The following FRY variants were observed in gnomAD, a reference collection of about 807,000 sequenced individuals.
The protein encoded by FRY is FRY microtubule binding protein, also known as protein furry homolog.
In FRY, 128 loss-of-function variants were observed where a neutral mutation model predicts 348.4. The observed-to-expected ratio is 0.37, with a 90% confidence interval of 0.32 to 0.43. The LOEUF is 0.43. Ranked by LOEUF, FRY falls within the 20% of genes least tolerant of loss-of-function variation. The probability of loss-of-function intolerance (pLI) is 1.00; values close to 1 mark genes in which losing one functional copy is unlikely to be tolerated. For synonymous variants in FRY, 1,370 were observed against 1,374.7 expected (o/e 1.00, Z 0.08); for missense variants, 2,736 against 3,695.2 (o/e 0.74, Z 6.73).
intron 35 of FRY, among the ~76,000 whole-genome samples, chr13:32,215,120 A>G (rs1264372642): frequency 6.6e-6 from 1 of 152,202 alleles, no homozygotes; most frequent in African/African-American, 2.4e-5. Context: ...GACTAAGGAA[A>G]ACTACAACTT....
chr13:32,124,708 T>C (rs1878917342), intron 6 of FRY, 27 bp downstream of exon 6: 2 of 1,524,362 alleles, frequency 1.3e-6, no homozygotes, highest in Non-Finnish European at 9.1e-7. Flanking sequence ...CCTTAGAATG[T>C]TGAAGTTGGT....
At position 32,178,426 on chromosome 13, in the gene FRY, G is replaced by A. The variant is rs1020165738; in HGVS notation, c.2671G>A (p.Val891Met). 2.5e-6 allele frequency: 4 copies of A among 1,613,990 alleles called. No homozygotes were observed. The African/African-American group carries it at 4.0e-5, about 16-fold the overall frequency. The stretch of plus-strand genomic sequence containing the variant: ...TCGGCTCCAGTCGGTGATGCCTCTG[G>A]TGGACCCAAAGTAAGGGATTCTTGT... ...FTRLQSVMPL[V>M]DPNSPINAKK... The change falls in exon 21 of 61, where the codon GTG (valine) becomes ATG (methionine). Residue 891 changes from valine to methionine, a missense_variant. Around this residue, in one of 9 missense-constraint regions of FRY, gnomAD observed 449 missense variants for 576.9 expected, o/e 0.78. Transcript: ENST00000542859.
intron 28 of FRY, among the ~76,000 whole-genome samples, chr13:32,187,953 A>C (rs2138273120): frequency 6.6e-6 from 1 of 152,302 alleles, no homozygotes; most frequent in East Asian, 1.9e-4. Flanking sequence ...CAATTCAATA[A>C]CAAAAAGATA....
intron 11 of FRY, among the ~76,000 whole-genome samples, chr13:32,143,724 T>C (rs1880225104): frequency 6.6e-6 from 1 of 152,208 alleles, no homozygotes; most frequent in Non-Finnish European, 1.5e-5. Flanking sequence ...AAAAGATGTT[T>C]CTACTAGAAG....
intron 58 of FRY, among the ~76,000 whole-genome samples, chr13:32,279,882 T>C (rs148802655): frequency 8.4e-4 from 128 of 152,352 alleles, no homozygotes; most frequent in Middle Eastern, 3.4e-3. Flanking sequence ...CCAGCATTGA[T>C]TGAGTCCCTT....
chr13:32,231,104 G>A (rs1885886234), intron 40 of FRY, 75 bp from the exon 41 acceptor site: 2 of 1,301,950 alleles, frequency 1.5e-6, no homozygotes, highest in Non-Finnish European at 1.1e-6. Flanking sequence ...TATGTTTGGA[G>A]TCAGGACTGT....
At chr13:32,157,111 A>G (rs954794082) in intron 15 of FRY, among the ~76,000 whole-genome samples, 162 bp from the exon 16 acceptor site, 15 of 152,260 alleles carry the variant, frequency 9.9e-5, no homozygotes, top group African/African-American at 3.6e-4. Context: ...GCAAGGCACT[A>G]TGCTAAAAGC....
intron 29 of FRY, among the ~76,000 whole-genome samples, chr13:32,199,422 G>A (rs2520696): frequency 0.5 from 76,179 of 152,098 alleles, 19,079 homozygotes; most frequent in African/African-American, 0.53. Flanking sequence ...AGATCATCAA[G>A]CAGTACAGAC....
chr13:32,238,758 AG>A (rs1886350366), intron 44 of FRY, among the ~76,000 whole-genome samples: 2 of 152,178 alleles, frequency 1.3e-5, no homozygotes, highest in Non-Finnish European at 2.9e-5. Context: ...CCAACAAACC[AG>A]ATTTTTAATG....
chr13:32,208,257 G>T (rs1375825805), intron 31 of FRY, among the ~76,000 whole-genome samples: 1 of 152,200 alleles, frequency 6.6e-6, no homozygotes, highest in African/African-American at 2.4e-5. Flanking sequence ...AATGTTTCAT[G>T]GAAGACACTT....
At chr13:32,078,508 T>G (rs1875257930) in intron 1 of FRY, among the ~76,000 whole-genome samples, 1 of 152,208 alleles carries the variant, frequency 6.6e-6, no homozygotes, top group African/African-American at 2.4e-5. Context: ...TAAATGGGAC[T>G]GCTGTTTCCG....
At chr13:32,232,293 G>T (rs1261526130) in intron 41 of FRY, among the ~76,000 whole-genome samples, 1 of 152,126 alleles carries the variant, frequency 6.6e-6, no homozygotes, top group Admixed American at 6.5e-5. Flanking sequence ...TTCTTGGAGG[G>T]TACTTCAGGC....
In FRY at chr13:32,186,261, T is replaced by G; in HGVS notation, c.3321T>G (p.Val1107=). The G allele has an allele frequency of 6.2e-7, 1 of 1,612,026 alleles. No homozygotes were observed. The highest frequency in any genetic ancestry group is 8.5e-7 in the Non-Finnish European group (1 of 1,178,074). ...MVANLIQCVP[V]HHRRFLFPQQ... ...CTCTAAGTGTGTTTTTCTCCCTAGT[T>G]CACCACCGAAGATTTCTCTTCCCCC... Residue 1107 remains valine (V), a splice_region_variant and synonymous_variant, in exon 27 of 61, where the codon GTT becomes GTG. Transcript: ENST00000542859.
intron 20 of FRY, among the ~76,000 whole-genome samples, chr13:32,175,945 CTT>C (rs757032389): frequency 1.2e-4 from 19 of 152,186 alleles, no homozygotes; most frequent in Non-Finnish European, 4.4e-5. Context: ...ATATGTAACA[CTT>C]AATATTGTAC....
At chr13:32,105,612 T>A (rs1161238368) in intron 3 of FRY, among the ~76,000 whole-genome samples, 1 of 152,228 alleles carries the variant, frequency 6.6e-6, no homozygotes, top group African/African-American at 2.4e-5. Context: ...GAAGTCTGTC[T>A]ATGGGAAAAG....
chr13:32,072,256 T>A (rs926404649), intron 1 of FRY, among the ~76,000 whole-genome samples: 4 of 152,218 alleles, frequency 2.6e-5, no homozygotes, highest in Non-Finnish European at 5.9e-5. Flanking sequence ...TTTATGGAAA[T>A]TAATCAGAAA....
intron 46 of FRY, among the ~76,000 whole-genome samples, chr13:32,242,659 C>T (rs985915606): frequency 3.3e-5 from 5 of 152,076 alleles, no homozygotes; most frequent in Non-Finnish European, 4.4e-5. Context: ...CTCACCCTCC[C>T]GAGTAGCTGG....
intron 20 of FRY, among the ~76,000 whole-genome samples, chr13:32,177,794 T>A (rs1215376061): frequency 6.6e-6 from 1 of 152,192 alleles, no homozygotes; most frequent in Non-Finnish European, 1.5e-5. Context: ...CATTTGTGAA[T>A]CTCAGAGATG....
chr13:32,182,007 T>G (rs564635095), intron 23 of FRY, among the ~76,000 whole-genome samples: 7 of 152,288 alleles, frequency 4.6e-5, no homozygotes, highest in African/African-American at 1.4e-4. Context: ...AAATCAGGAA[T>G]AGAACCCAGG....
Sources: gnomAD v4.1 joint callset for allele counts (sites outside exome capture counted in the v4.1 genomes callset) on GRCh38, gnomAD v4.1.1 for gene constraint, gnomAD v4.1.1 regional missense constraint, MANE v1.5 for transcripts, NCBI Gene and HGNC (gene_info 2026-07-23, HGNC 2026-07-21) for gene names.